Variants in NTN5 observed in about 807,000 individuals in gnomAD.
NTN5 encodes netrin 5.
A neutral mutation model predicts 38.7 loss-of-function variants in NTN5; 42 were observed. The observed-to-expected ratio is 1.08, with a 90% CI of 0.85 to 1.40. The LOEUF is 1.40. Among genes scored for constraint, NTN5 ranks in the 40% most tolerant of loss-of-function variants. The pLI is 0.00. For synonymous variants in NTN5, 329 were observed against 303.9 expected (o/e 1.08, Z -0.86); for missense variants, 658 against 716.5 (o/e 0.92, Z 0.93).
intron 2 of NTN5, among the ~76,000 whole-genome samples, chr19:48,666,397 T>C (rs919527771): frequency 1.3e-4 from 20 of 152,028 alleles, no homozygotes; most frequent in Admixed American, 1.3e-3. Flanking sequence ...TAACAGGGCA[T>C]AGTGGCCCAC....
rs1325469781 is a variant in NTN5, at chr19:48,670,681, C to T, written c.306G>A (p.Trp102Ter). 45 of 1,609,618 alleles carry T rather than the reference C, an allele frequency of 2.8e-5. No homozygotes were observed. Among genetic ancestry groups the T allele is most frequent in the Non-Finnish European group, 3.7e-5 (44 of 1,178,586 alleles). ...LSAAWASGGP[W>*]RLLWHRPAWP... The stretch of plus-strand genomic sequence containing the variant: ...AGGCGGGCCTGTGCCACAGCAGCCT[C>T]CAGGGACCCCCTGAGGCCCAGGCAG... The change falls in exon 2 of 7, where the codon TGG (tryptophan) becomes TGA (stop). Residue 102 changes from tryptophan (W) to a stop codon, truncating the protein, a stop_gained. Transcript: ENST00000270235. LOFTEE classifies it high-confidence loss of function.
chr19:48,666,279 G>A (rs2031701884), intron 2 of NTN5, among the ~76,000 whole-genome samples: 1 of 152,214 alleles, frequency 6.6e-6, no homozygotes, highest in South Asian at 2.1e-4. Flanking sequence ...TTTAGCATGT[G>A]CATTATCCTG....
chr19:48,670,662 G>T lies in NTN5; in HGVS notation c.325C>A (p.Pro109Thr). 5 of 1,607,000 alleles carry T rather than the reference G, an allele frequency of 3.1e-6. No homozygotes were observed. Among genetic ancestry groups the T allele is most frequent in the East Asian group, 2.2e-5 (1 of 44,614 alleles). Residue 109 changes from proline (P) to threonine (T), a missense_variant, in exon 2 of 7, where the codon CCC (proline) becomes ACC (threonine). By Grantham distance (38) the Pro-to-Thr change is conservative. Coordinates refer to ENST00000270235, the MANE Select transcript of NTN5 (RefSeq NM_145807.4). ...CCCCCTAAGGCCCCAGGCCAGGCGG[G>T]CCTGTGCCACAGCAGCCTCCAGGGA... The part of the protein sequence containing the change: ...GGPWRLLWHR[P>T]AWPGALGGPE...
chr19:48,663,077 T>C (rs1221445856), intron 6 of NTN5: 6 of 389,846 alleles, frequency 1.5e-5, no homozygotes, highest in South Asian at 7.6e-5. Flanking sequence ...TTATGGGAAG[T>C]GGGGCTAAGG....
At chr19:48,669,324 TCACCAC>T (rs2031816416) in intron 2 of NTN5, among the ~76,000 whole-genome samples, 1 of 11,006 alleles carries the variant, frequency 9.1e-5, no homozygotes, top group African/African-American at 3.6e-4. Context: ...ACCACCACCA[TCACCAC>T]CACCACCATC....
At chr19:48,670,223 C>G (rs2031917755) in intron 2 of NTN5, 133 bp downstream of exon 2, 20 of 944,160 alleles carry the variant, frequency 2.1e-5, no homozygotes, top group Non-Finnish European at 2.5e-5. Flanking sequence ...ATGAGGGGAC[C>G]GAGTCTGAGA....
chr19:48,669,285 T>C (rs796338312), intron 2 of NTN5, among the ~76,000 whole-genome samples: 5 of 9,188 alleles, frequency 5.4e-4, no homozygotes, highest in Admixed American at 1.9e-3. Context: ...ACCACCACCA[T>C]CACCACCACC....
intron 1 of NTN5, among the ~76,000 whole-genome samples, chr19:48,671,747 C>A (rs1447023008): frequency 6.6e-6 from 1 of 152,104 alleles, no homozygotes; most frequent in Non-Finnish European, 1.5e-5. Flanking sequence ...CACATGGGGC[C>A]CTAACCTTGT....
chr19:48,671,281 G>A (rs2031956710), intron 1 of NTN5, among the ~76,000 whole-genome samples: 1 of 152,060 alleles, frequency 6.6e-6, no homozygotes, highest in Non-Finnish European at 1.5e-5. Context: ...GGGGGCCCTG[G>A]GGAGCGGTGA....
chr19:48,671,815 C>G (rs1408310479), intron 1 of NTN5, among the ~76,000 whole-genome samples: 3 of 103,460 alleles, frequency 2.9e-5, no homozygotes, highest in African/African-American at 1.1e-4. Flanking sequence ...CTCCCTGCCA[C>G]CCGCCCACCC....
Position 48,661,886 on chromosome 19 carries a change from G to C in NTN5, c.1261C>G (p.Leu421Val). The stretch of plus-strand genomic sequence containing the variant: ...TAGTCGGTGCCTGGCTGCAGGCGCA[G>C]GCAGCCGCAGGTCAGGTCGGCGCGG... ...VPRADLTCGC[L>V]RLQPGTDYLL... Residue 421 changes from leucine to valine, a missense_variant, in exon 7 of 7, where the codon CTG becomes GTG. Transcript: ENST00000270235. The C allele has an allele frequency of 7.4e-7, 1 of 1,349,370 alleles. No individual in the cohort carries two copies. Among genetic ancestry groups the C allele is most frequent in the Non-Finnish European group, 9.5e-7 (1 of 1,052,806 alleles). 83.6% of individuals were successfully genotyped at this position (1,349,370 alleles called of 1,614,324 possible).
At position 48,661,990 on chromosome 19, in the gene NTN5, C is replaced by T. The variant is rs1238602314; in HGVS notation, c.1157G>A (p.Arg386Gln). The part of the protein sequence containing the change: ...ASEAAGPAWQ[R>Q]LAVRVLAVYK... ...AACGGCCAGCACGCGCACGGCCAGC[C>T]GCTGCCATGCCGGGCCCGCCGCCTC... The change falls in exon 7 of 7, where the codon CGG becomes CAG. Residue 386 changes from arginine to glutamine, a missense_variant. Physicochemically the swap from Arg to Gln is conservative, Grantham distance 43. Transcript: ENST00000270235. The T allele has an allele frequency of 6.7e-7, 1 of 1,485,460 alleles. No individual in the cohort carries two copies. The allele number at this position is 1,485,460 out of a possible 1,614,324, so 92.0% of individuals were successfully genotyped here. A position where few individuals can be genotyped will look rare whatever the true frequency, so the allele number is the denominator to read the frequency against.
chr19:48,670,235 TG>T, intron 2 of NTN5, 120 bp downstream of exon 2: 1 of 1,058,764 alleles, frequency 9.4e-7, no homozygotes, highest in Non-Finnish European at 1.3e-6. Flanking sequence ...AGTCTGAGAC[TG>T]GGGTGAGAGG....
rs954940084 is a variant in NTN5, at chr19:48,664,278, G to T, written c.835C>A (p.Pro279Thr). Reference sequence around the variant, plus strand: ...CAGGTTCCTCCTGTTGCCCCAATAGGGTGGCACTGGCAGGCTACATGAGCA... The same window carrying T: ...CAGGTTCCTCCTGTTGCCCCAATAGTGTGGCACTGGCAGGCTACATGAGCA... ...RRACRACQCH[P>T]IGATGGTCNQ... Residue 279 changes from proline (P) to threonine (T), a missense_variant, in exon 4 of 7, where the codon CCT becomes ACT. Pro to Thr is a conservative substitution (Grantham distance 38, BLOSUM62 -1). Transcript: ENST00000270235. 1 of 1,613,062 alleles carries T rather than the reference G, an allele frequency of 6.2e-7. No homozygotes were observed. The highest frequency in any genetic ancestry group is 8.5e-7 in the Non-Finnish European group (1 of 1,179,604).
At position 48,663,640 on chromosome 19, in the gene NTN5, G is replaced by A. The variant is rs958332375; in HGVS notation, c.1025-97C>T. 3 of 1,515,996 alleles carry A rather than the reference G, an allele frequency of 2.0e-6. No homozygotes were observed. In the African/African-American group the frequency reaches 4.1e-5, roughly 21 times the overall value. The allele number at this position is 1,515,996 out of a possible 1,614,324, so 93.9% of individuals were successfully genotyped here. ...TCCGTTCCATCTTGATGGCCAGCTG[G>A]GGTACCCAAACCTTTGGGACTGGGC... On this transcript the variant is annotated intron_variant, in intron 5 of 6. Coordinates refer to ENST00000270235, the MANE Select transcript of NTN5 (RefSeq NM_145807.4).
chr19:48,670,315 A>G, intron 2 of NTN5, 41 bp downstream of exon 2: 1 of 1,381,198 alleles, frequency 7.2e-7, no homozygotes. Flanking sequence ...ACCCAGTGGC[A>G]GGCAGGCAAA....
At chr19:48,664,814 TC>T in intron 2 of NTN5, 47 bp from the exon 3 acceptor site, 1 of 1,440,148 alleles carries the variant, frequency 6.9e-7, no homozygotes, top group East Asian at 2.8e-5. Flanking sequence ...AGTGTGCTGC[TC>T]CCCAGTCCTC....
chr19:48,671,065 G>A, intron 1 of NTN5, 59 bp from the exon 2 acceptor site: 1 of 1,338,368 alleles, frequency 7.5e-7, no homozygotes, highest in East Asian at 2.6e-5. Flanking sequence ...ACCCCTCCTG[G>A]AGGTGTCCTG....
chr19:48,668,126 C>G (rs1181767253), intron 2 of NTN5, among the ~76,000 whole-genome samples: 1 of 152,040 alleles, frequency 6.6e-6, no homozygotes, highest in Admixed American at 6.6e-5. Flanking sequence ...AAGAGGGCAT[C>G]GCATGGGACA....
Sources: allele counts gnomAD v4.1 joint callset (sites outside exome capture counted in the v4.1 genomes callset), GRCh38; gene constraint gnomAD v4.1.1; transcripts MANE v1.5; gene names NCBI Gene and HGNC (gene_info 2026-07-23, HGNC 2026-07-21).